The following ZRSR2 variants were observed in gnomAD, a reference collection of about 807,000 sequenced individuals.
ZRSR2 encodes the protein zinc finger CCCH-type, RNA binding motif and serine/arginine rich 2, also known as U2 small nuclear ribonucleoprotein auxiliary factor 35 kDa subunit-related protein 2.
A neutral mutation model predicts 39.4 loss-of-function variants in ZRSR2; 3 were observed. The ratio of observed to expected loss-of-function variants is 0.08; its 90% CI spans 0.03 to 0.20. The LOEUF is 0.20. Ranked by LOEUF, ZRSR2 falls within the 10% of genes least tolerant of loss-of-function variation. The pLI is 1.00. For missense variants in ZRSR2, 256 were observed against 391.5 expected (o/e 0.65, Z 2.92); for synonymous variants, 137 against 136.0 (o/e 1.01, Z -0.05).
intron 7 of ZRSR2, among the ~76,000 whole-genome samples, chrX:15,813,505 G>T (rs557619452): frequency 1.3e-3 from 150 of 112,086 alleles, no homozygotes; most frequent in African/African-American, 4.7e-3. Flanking sequence ...AAGCTATAGG[G>T]CTGGCCTTTT....
chrX:15,805,084 G>T (rs763797951), intron 5 of ZRSR2, among the ~76,000 whole-genome samples: 14 of 111,689 alleles, frequency 1.3e-4, no homozygotes, highest in Non-Finnish European at 2.6e-4. Context: ...GCATAAAATT[G>T]GATAATCACC....
At chrX:15,809,515 C>T (rs976325317) in intron 7 of ZRSR2, among the ~76,000 whole-genome samples, 197 bp downstream of exon 7, 1 of 112,507 alleles carries the variant, frequency 8.9e-6, no homozygotes, top group East Asian at 2.8e-4. Flanking sequence ...ATCCTTGTTC[C>T]CTGGGTGGGC....
intron 10 of ZRSR2, among the ~76,000 whole-genome samples, chrX:15,821,868 C>T (rs937858688): frequency 9.0e-6 from 1 of 111,131 alleles, no homozygotes; most frequent in Non-Finnish European, 1.9e-5. Context: ...CAAAATTGTT[C>T]GAATAGATTT....
intron 4 of ZRSR2, 141 bp from the exon 5 acceptor site, chrX:15,803,970 T>C: frequency 2.1e-6 from 2 of 961,435 alleles, no homozygotes; most frequent in Non-Finnish European, 2.7e-6. Context: ...AAGAGTTGCC[T>C]ATCTTGAACT....
intron 3 of ZRSR2, among the ~76,000 whole-genome samples, chrX:15,802,310 C>T (rs1229806599): frequency 8.9e-6 from 1 of 111,982 alleles, no homozygotes; most frequent in Non-Finnish European, 1.9e-5. Context: ...GTTCTACACA[C>T]CTAATTGGCA....
chrX:15,810,824 C>G (rs1156846012), intron 7 of ZRSR2, among the ~76,000 whole-genome samples: 1 of 104,975 alleles, frequency 9.5e-6, no homozygotes, highest in Non-Finnish European at 1.9e-5. Context: ...TGAGACCAGC[C>G]TGGGCAACAT....
At chrX:15,808,606 TTTTTTTTCTC>T (rs1227157047) in intron 6 of ZRSR2, among the ~76,000 whole-genome samples, 1 of 108,440 alleles carries the variant, frequency 9.2e-6, no homozygotes, top group African/African-American at 3.4e-5. Context: ...TCTTGGACCC[TTTTTTTTCTC>T]TTTTTTTCTT....
Position 15,823,213 on chromosome X carries a change from A to C in ZRSR2, c.1420A>C (p.Arg474=). The part of the protein sequence containing the change: ...RGRRRSGNRD[R]TVQSPKSK ...CAGGAGGAGGTCGGGTAATAGAGAC[A>C]GAACTGTTCAGAGTCCCAAATCCAA... The change falls in exon 11 of 11, where the codon AGA becomes CGA. Residue 474 remains arginine, a synonymous_variant. Coordinates refer to ENST00000307771, the MANE Select transcript of ZRSR2 (RefSeq NM_005089.4). 1 of 1,170,336 alleles carries C rather than the reference A, an allele frequency of 8.5e-7. No individual in the cohort carries two copies. The highest frequency in any genetic ancestry group is 1.1e-6 in the Non-Finnish European group (1 of 876,870).
chrX:15,823,078 C>T lies in ZRSR2; in HGVS notation c.1285C>T (p.Arg429Cys), dbSNP rs1473782265. Residue 429 changes from arginine to cysteine, a missense_variant, in exon 11 of 11, where the codon CGC (arginine) becomes TGC (cysteine). Arg to Cys is a radical substitution (Grantham distance 180). Around this residue, in one of 3 missense-constraint regions of ZRSR2, gnomAD observed 111 missense variants for 116.7 expected, o/e 0.95. Transcript: ENST00000307771. ...ACGAAGCAGAGGAAGAAATAGGGAC[C>T]GCAGCAGGGACCGCAGCCGGGGCCG... ...NSRSRGRNRD[R>C]SRDRSRGRGS... 1.7e-6 allele frequency: 2 copies of T among 1,209,602 alleles called. No homozygotes were observed. The highest frequency in any genetic ancestry group is 1.7e-5 in the African/African-American group (1 of 57,583).
rs1196369823 is a variant in ZRSR2 at position 15,807,585 on chromosome X, C to CACAA, written c.400-648_400-647insACAA. Among the ~76,000 whole-genome samples, 334 of 110,015 alleles carry CACAA rather than the reference C, an allele frequency of 3.0e-3. 1 individual carries two copies. Among genetic ancestry groups the CACAA allele is most frequent in the Non-Finnish European group, 5.2e-3 (273 of 52,656 alleles). ...GATTATAGGTGTGAGCCACCATGCC[C>CACAA]GGCCTAGCATTGTGTTTTATATTCA... is the stretch of plus-strand genomic sequence containing the variant. On this transcript the variant is annotated intron_variant, in intron 5 of 10. Transcript: ENST00000307771.
At chrX:15,808,901 G>A (rs1300992564) in intron 6 of ZRSR2, among the ~76,000 whole-genome samples, 7 of 111,092 alleles carry the variant, frequency 6.3e-5, no homozygotes, top group East Asian at 2.8e-4. Flanking sequence ...GATTACAGGC[G>A]TGAGCCACTG....
intron 7 of ZRSR2, among the ~76,000 whole-genome samples, chrX:15,811,275 A>G (rs1473195497): frequency 1.8e-5 from 2 of 112,431 alleles, no homozygotes; most frequent in African/African-American, 6.5e-5. Context: ...TTTCAGAGAC[A>G]ACTGAGACTC....
chrX:15,799,265 G>A lies in ZRSR2; in HGVS notation c.122-607G>A, dbSNP rs755010478. Among the ~76,000 whole-genome samples, 16 of 109,816 alleles carry A rather than the reference G, an allele frequency of 1.5e-4. No individual in the cohort carries two copies. In the South Asian group the frequency reaches 2.3e-3, roughly 16 times the overall value. ...TCTTTTCTAATTAGTCCTCATGTCT[G>A]GGGTGATATGTTGAGATAGTGTGAA... On this transcript the variant is annotated intron_variant, in intron 2 of 10. Coordinates refer to ENST00000307771, the MANE Select transcript of ZRSR2 (RefSeq NM_005089.4).
intron 10 of ZRSR2, among the ~76,000 whole-genome samples, chrX:15,822,136 G>A (rs1028331409): frequency 1.8e-5 from 2 of 110,325 alleles, no homozygotes; most frequent in African/African-American, 3.3e-5. Flanking sequence ...GATTACAAGC[G>A]CCTGCCACCA....
At chrX:15,795,143 T>G (rs895532211) in intron 2 of ZRSR2, among the ~76,000 whole-genome samples, 1 of 95,923 alleles carries the variant, frequency 1.0e-5, no homozygotes, top group Non-Finnish European at 2.0e-5. Flanking sequence ...GGCTCTGTCT[T>G]AAGTCCAATG....
intron 2 of ZRSR2, among the ~76,000 whole-genome samples, chrX:15,798,777 A>G: frequency 8.9e-6 from 1 of 112,077 alleles, no homozygotes; most frequent in Non-Finnish European, 1.9e-5. Context: ...TCAGGTAACA[A>G]CACTCTTTAG....
At chrX:15,794,838 T>G (rs1932395953) in intron 2 of ZRSR2, among the ~76,000 whole-genome samples, 1 of 112,396 alleles carries the variant, frequency 8.9e-6, no homozygotes, top group South Asian at 3.7e-4. Flanking sequence ...ATGCATTAGT[T>G]TTCAGTATAG....
At chrX:15,815,634 C>T (rs1264867884) in intron 7 of ZRSR2, 43 bp from the exon 8 acceptor site, 2 of 1,095,770 alleles carry the variant, frequency 1.8e-6, no homozygotes, top group Non-Finnish European at 2.5e-6. Context: ...GAGTAATTTT[C>T]AACTATTGGC....
At chrX:15,793,922 G>C (rs187562943) in intron 2 of ZRSR2, among the ~76,000 whole-genome samples, 1 of 112,508 alleles carries the variant, frequency 8.9e-6, no homozygotes, top group Non-Finnish European at 1.9e-5. Context: ...CTATGAGAGT[G>C]CCTTGGCAAA....
Sources: allele counts gnomAD v4.1 joint callset (sites outside exome capture counted in the v4.1 genomes callset), GRCh38; gene constraint gnomAD v4.1.1; regional missense constraint gnomAD v4.1.1; transcripts MANE v1.5; gene names NCBI Gene and HGNC (gene_info 2026-07-23, HGNC 2026-07-21).